The following AGBL1 variants were observed in gnomAD, a reference collection of about 807,000 sequenced individuals.
The protein encoded by AGBL1 is AGBL carboxypeptidase 1.
In AGBL1, 130 loss-of-function variants were observed where a neutral mutation model predicts 118.9. The observed-to-expected ratio is 1.09, with a 90% confidence interval of 0.95 to 1.26. The LOEUF is 1.26. AGBL1 is among the 50% of genes most tolerant of loss of function. The pLI is 0.00. For missense variants in AGBL1, 1,584 were observed against 1,298.1 expected (o/e 1.22, Z -3.38); for synonymous variants, 555 against 478.9 (o/e 1.16, Z -2.08).
chr15:86,727,243 C>T (rs895521465), intron 22 of AGBL1, among the ~76,000 whole-genome samples: 7 of 152,066 alleles, frequency 4.6e-5, no homozygotes, highest in Non-Finnish European at 5.9e-5. Flanking sequence ...CAGGGACCTT[C>T]CACACCACAA....
chr15:86,974,511 AAT>A (rs1201622799), intron 23 of AGBL1, among the ~76,000 whole-genome samples: 6 of 128,696 alleles, frequency 4.7e-5, no homozygotes, highest in African/African-American at 1.7e-4. Context: ...ATTGAATATA[AAT>A]ATATATAATA....
chr15:86,787,400 C>T (rs995628507), intron 22 of AGBL1, among the ~76,000 whole-genome samples: 2 of 152,050 alleles, frequency 1.3e-5, no homozygotes, highest in Non-Finnish European at 2.9e-5. Context: ...CAAATTTGTA[C>T]CCTTAAATCT....
downstream of AGBL1, among the ~76,000 whole-genome samples, chr15:86,918,039 C>T (rs2080446202): frequency 6.6e-6 from 1 of 152,110 alleles, no homozygotes; most frequent in Admixed American, 6.5e-5. Flanking sequence ...TGGATGAAAA[C>T]ATGGGGGAAG....
At chr15:86,461,275 G>A (rs1033068709) in intron 18 of AGBL1, among the ~76,000 whole-genome samples, 1 of 152,062 alleles carries the variant, frequency 6.6e-6, no homozygotes, top group Non-Finnish European at 1.5e-5. Flanking sequence ...GTGGAACTGG[G>A]TTTATAAAAA....
intron 22 of AGBL1, among the ~76,000 whole-genome samples, chr15:86,798,675 A>G (rs117550155): frequency 3.1e-3 from 462 of 150,894 alleles, no homozygotes; most frequent in Middle Eastern, 6.8e-3. Context: ...CAAACTTAGT[A>G]ACTTGTCCTG....
intron 21 of AGBL1, among the ~76,000 whole-genome samples, chr15:86,629,313 C>T (rs532548851): frequency 6.6e-6 from 1 of 152,142 alleles, no homozygotes; most frequent in Admixed American, 6.5e-5. Context: ...AGATGCATGG[C>T]AAATTCATGT....
intron 21 of AGBL1, among the ~76,000 whole-genome samples, chr15:86,654,866 G>A (rs539751896): frequency 2.0e-5 from 3 of 152,176 alleles, no homozygotes; most frequent in East Asian, 1.9e-4. Flanking sequence ...TCAAATGGGA[G>A]CTTCTCATAG....
intron 17 of AGBL1, among the ~76,000 whole-genome samples, chr15:86,301,862 C>T (rs1015733294): frequency 6.6e-6 from 1 of 152,164 alleles, no homozygotes; most frequent in East Asian, 1.9e-4. Flanking sequence ...TGTATTGACA[C>T]AGCTTTGCTT....
At chr15:86,963,083 C>G (rs553991666) in intron 23 of AGBL1, among the ~76,000 whole-genome samples, 1 of 151,900 alleles carries the variant, frequency 6.6e-6, no homozygotes, top group Non-Finnish European at 1.5e-5. Flanking sequence ...GAATAGGTGA[C>G]CAGTTTGAAT....
intron 21 of AGBL1, among the ~76,000 whole-genome samples, chr15:86,601,105 C>T (rs1444580219): frequency 6.6e-6 from 1 of 152,160 alleles, no homozygotes. Flanking sequence ...AACTTCCAGC[C>T]AGACCCTTAT....
intron 5 of AGBL1, among the ~76,000 whole-genome samples, chr15:86,220,738 T>C (rs2078267598): frequency 6.6e-6 from 1 of 152,188 alleles, no homozygotes; most frequent in African/African-American, 2.4e-5. Context: ...CTGCAAAAAT[T>C]TCTGAAATGA....
At chr15:86,195,012 A>C (rs186044572) in intron 5 of AGBL1, among the ~76,000 whole-genome samples, 1 of 152,196 alleles carries the variant, frequency 6.6e-6, no homozygotes. Flanking sequence ...GTCACTAAGC[A>C]TGAGTGATTT....
chr15:86,981,929 C>A (rs1253697582), intron 23 of AGBL1, among the ~76,000 whole-genome samples: 1 of 152,184 alleles, frequency 6.6e-6, no homozygotes, highest in Non-Finnish European at 1.5e-5. Context: ...AAATTCTTCT[C>A]ATTCTTAATT....
At chr15:86,954,294 T>G (rs1006010525) in intron 23 of AGBL1, among the ~76,000 whole-genome samples, 27 of 152,142 alleles carry the variant, frequency 1.8e-4, no homozygotes, top group Non-Finnish European at 3.1e-4. Flanking sequence ...CCCATTACTG[T>G]GTATATATCC....
At chr15:86,708,235 G>C (rs563938022) in intron 22 of AGBL1, among the ~76,000 whole-genome samples, 4 of 152,064 alleles carry the variant, frequency 2.6e-5, no homozygotes, top group African/African-American at 9.7e-5. Flanking sequence ...TGGAGATAGG[G>C]TCTTAAGGGA....
chr15:86,779,380 A>T (rs1018726206), intron 22 of AGBL1, among the ~76,000 whole-genome samples: 1 of 152,228 alleles, frequency 6.6e-6, no homozygotes, highest in Non-Finnish European at 1.5e-5. Context: ...TTGGTTAAAG[A>T]GGCCCACATG....
intron 5 of AGBL1, among the ~76,000 whole-genome samples, chr15:86,169,343 G>A (rs752550743): frequency 9.2e-5 from 14 of 152,190 alleles, no homozygotes; most frequent in Non-Finnish European, 1.8e-4. Context: ...TGCAGGAAAT[G>A]GAGGGAACAA....
At chr15:86,322,320 G>A (rs1301069003) in intron 17 of AGBL1, among the ~76,000 whole-genome samples, 2 of 151,598 alleles carry the variant, frequency 1.3e-5, no homozygotes, top group Non-Finnish European at 2.9e-5. Context: ...TACCTATTTT[G>A]AGACTATGAT....
intron 22 of AGBL1, among the ~76,000 whole-genome samples, chr15:86,749,537 C>T (rs576406330): frequency 6.6e-6 from 1 of 152,194 alleles, no homozygotes; most frequent in East Asian, 1.9e-4. Context: ...GCCAGAACTT[C>T]CAACACTATG....
Sources: allele counts gnomAD v4.1 joint callset (sites outside exome capture counted in the v4.1 genomes callset), GRCh38; gene constraint gnomAD v4.1.1; transcripts MANE v1.5; gene names NCBI Gene and HGNC (gene_info 2026-07-23, HGNC 2026-07-21).